MAP3K5: variants seen among roughly 807,000 people sequenced by gnomAD.
MAP3K5 encodes ASK-1.
In MAP3K5, 56 loss-of-function variants were observed where a neutral mutation model predicts 158.7. That is an observed-to-expected ratio of 0.35 (90% CI 0.28 to 0.44). The LOEUF (loss-of-function observed/expected upper bound fraction) is 0.44. MAP3K5 is among the 20% of genes least tolerant of loss of function. The pLI, the probability that MAP3K5 is intolerant of heterozygous loss-of-function variation, is 1.00. For missense variants in MAP3K5, 1,294 were observed against 1,674.8 expected (o/e 0.77, Z 3.97); for synonymous variants, 579 against 601.7 (o/e 0.96, Z 0.55).
intron 21 of MAP3K5, among the ~76,000 whole-genome samples, chr6:136,595,430 T>C (rs1487131579): frequency 1.5e-4 from 23 of 152,148 alleles, no homozygotes; most frequent in Admixed American, 1.5e-3. Context: ...TGAGTGAACC[T>C]GATTCTAGAT....
intron 15 of MAP3K5, among the ~76,000 whole-genome samples, chr6:136,618,793 T>G (rs1053829253): frequency 2.6e-5 from 4 of 152,234 alleles, no homozygotes; most frequent in South Asian, 4.1e-4. Context: ...TCTCATGAAT[T>G]AACTAAGAGG....
intron 1 of MAP3K5, among the ~76,000 whole-genome samples, chr6:136,741,862 G>T (rs541121107): frequency 6.6e-6 from 1 of 152,146 alleles, no homozygotes; most frequent in East Asian, 1.9e-4. Flanking sequence ...TAAACAAGTG[G>T]AATTTGAAAT....
At chr6:136,639,364 GA>G (rs914241757) in intron 13 of MAP3K5, among the ~76,000 whole-genome samples, 178 bp downstream of exon 13, 66 of 149,282 alleles carry the variant, frequency 4.4e-4, no homozygotes, top group African/African-American at 1.7e-3. Context: ...ACTTATTAAA[GA>G]AAACCCCCCC....
intron 1 of MAP3K5, among the ~76,000 whole-genome samples, chr6:136,776,832 G>A (rs1324135879): frequency 6.6e-6 from 1 of 152,184 alleles, no homozygotes; most frequent in Non-Finnish European, 1.5e-5. Context: ...AATGCTGACA[G>A]CCCTTACTTT....
Position 136,720,527 on chromosome 6 carries a change from C to A in MAP3K5, c.511G>T (p.Val171Leu), listed in dbSNP as rs754212712. ...RQPSLFYHLGVRESFSMANNI... is the reference protein window; with the variant it reads ...RQPSLFYHLGLRESFSMANNI... ...TTGGCCATGCTGAAACTTTCTCTCA[C>A]CCCAAGGTGGTAAAACAAGGACGGC... The change falls in exon 2 of 30, where the codon GTG becomes TTG. Residue 171 changes from valine (V) to leucine (L), a missense_variant. By Grantham distance (32) the Val-to-Leu change is conservative (BLOSUM62 1). Around this residue, in one of 5 missense-constraint regions of MAP3K5, gnomAD observed 690 missense variants for 870.5 expected, o/e 0.79. Transcript: ENST00000359015. 3.1e-6 allele frequency: 5 copies of A among 1,613,560 alleles called. No homozygotes were observed. The highest frequency in any genetic ancestry group is 4.2e-6 in the Non-Finnish European group (5 of 1,179,696).
chr6:136,663,289 A>G lies in MAP3K5; in HGVS notation c.1367-3911T>C, dbSNP rs140770737. ...CATCAAAATAAAACTACAATGAATG[A>G]CCATATTTTCAACAATCGTTAACAT... On this transcript the variant is annotated intron_variant, in intron 8 of 29. Coordinates refer to ENST00000359015, the MANE Select transcript of MAP3K5 (RefSeq NM_005923.4). Among the ~76,000 whole-genome samples the G allele has an allele frequency of 1.3e-3, 197 of 152,330 alleles. 3 individuals are homozygous for G. The highest frequency in any genetic ancestry group is 4.5e-3 in the African/African-American group (189 of 41,566).
chr6:136,668,469 T>C (rs1003315778), intron 8 of MAP3K5, among the ~76,000 whole-genome samples: 1 of 152,158 alleles, frequency 6.6e-6, no homozygotes, highest in Non-Finnish European at 1.5e-5. Flanking sequence ...TTTTTCCCTA[T>C]GAAAAACAAG....
chr6:136,659,465 C>T, intron 8 of MAP3K5, 87 bp from the exon 9 acceptor site: 1 of 1,234,404 alleles, frequency 8.1e-7, no homozygotes, highest in East Asian at 2.3e-5. Context: ...ATTAAGCTTT[C>T]ATTCCTCTTT....
chr6:136,601,193 A>G, intron 20 of MAP3K5, 151 bp from the exon 21 acceptor site: 1 of 638,408 alleles, frequency 1.6e-6, no homozygotes, highest in Non-Finnish European at 2.7e-6. Context: ...AACATCAAAA[A>G]ACGCCAAGAA....
intron 7 of MAP3K5, among the ~76,000 whole-genome samples, chr6:136,689,599 GAT>G (rs1361276027): frequency 1.3e-5 from 2 of 152,210 alleles, no homozygotes; most frequent in Non-Finnish European, 2.9e-5. Context: ...CCCATGAAAG[GAT>G]TAATGCTGTT....
At position 136,611,334 on chromosome 6, in the gene MAP3K5, G is replaced by A. The variant is rs763688676; in HGVS notation, c.2469C>T (p.Phe823=). ...TYSGVLKISD[F]GTSKRLAGIN... ...TGCCAGCAAGCCTCTTTGATGTTCC[G>A]AAGTCAGAGATCTTGAGAACACCAC... Residue 823 remains phenylalanine (F), a synonymous_variant, in exon 18 of 30, where the codon TTC becomes TTT. Coordinates refer to ENST00000359015, the MANE Select transcript of MAP3K5 (RefSeq NM_005923.4). 44 of 1,612,826 alleles carry A rather than the reference G, an allele frequency of 2.7e-5. No homozygotes were observed. The highest frequency in any genetic ancestry group is 3.5e-5 in the Non-Finnish European group (41 of 1,179,404).
chr6:136,767,510 T>A (rs1296787012), intron 1 of MAP3K5, among the ~76,000 whole-genome samples: 1 of 151,988 alleles, frequency 6.6e-6, no homozygotes, highest in African/African-American at 2.4e-5. Flanking sequence ...CAATCTACAA[T>A]TCACTGATCA....
chr6:136,574,851 G>A (rs996568266), intron 25 of MAP3K5, among the ~76,000 whole-genome samples: 9 of 151,774 alleles, frequency 5.9e-5, no homozygotes, highest in Admixed American at 2.6e-4. Context: ...TACCTCGCCC[G>A]GCTAATTTTT....
intron 3 of MAP3K5, among the ~76,000 whole-genome samples, chr6:136,703,999 T>C (rs555279814): frequency 1.3e-4 from 20 of 152,332 alleles, no homozygotes; most frequent in African/African-American, 4.8e-4. Flanking sequence ...GCCACAACCA[T>C]TGGCCTAACA....
At chr6:136,650,889 T>A (rs1778489903) in intron 11 of MAP3K5, 95 bp downstream of exon 11, 1 of 669,576 alleles carries the variant, frequency 1.5e-6, no homozygotes. Flanking sequence ...TATTTCTTCT[T>A]AACTAACACA....
intron 7 of MAP3K5, among the ~76,000 whole-genome samples, chr6:136,669,884 G>GGTGTGT (rs60778677): frequency 0.012 from 1,692 of 144,468 alleles, 15 homozygotes; most frequent in Admixed American, 0.046. Context: ...CATCATTCAG[G>GGTGTGT]GTGTGTGTGT....
chr6:136,667,728 G>A (rs994093705), intron 8 of MAP3K5, among the ~76,000 whole-genome samples: 2 of 151,726 alleles, frequency 1.3e-5, no homozygotes, highest in East Asian at 1.9e-4. Flanking sequence ...GTATATGCCT[G>A]TAGTCTCAGC....
intron 14 of MAP3K5, among the ~76,000 whole-genome samples, chr6:136,625,122 C>G (rs1242077045): frequency 6.6e-6 from 1 of 152,030 alleles, no homozygotes; most frequent in African/African-American, 2.4e-5. Flanking sequence ...TTTCATTAAT[C>G]TAGGGCGGGA....
Position 136,720,536 on chromosome 6 carries a change from G to A in MAP3K5, c.502C>T (p.His168Tyr). The change falls in exon 2 of 30, where the codon CAC becomes TAC. Residue 168 changes from histidine to tyrosine, a missense_variant. Physicochemically the swap from His to Tyr is moderately conservative, Grantham distance 83 (BLOSUM62 2). This residue lies in a region of MAP3K5 where 690 missense variants were observed against 870.5 expected (regional missense o/e 0.79). Transcript: ENST00000359015. ...DAFRQPSLFY[H>Y]LGVRESFSMA... is the part of the protein sequence containing the mutation. ...CTGAAACTTTCTCTCACCCCAAGGT[G>A]GTAAAACAAGGACGGCTGCCGGAAG... 6.2e-7 allele frequency: 1 copy of A among 1,613,116 alleles called. No homozygotes were observed. Among genetic ancestry groups the A allele is most frequent in the Non-Finnish European group, 8.5e-7 (1 of 1,179,426 alleles).
Sources: allele counts gnomAD v4.1 joint callset (sites outside exome capture counted in the v4.1 genomes callset), GRCh38; gene constraint gnomAD v4.1.1; regional missense constraint gnomAD v4.1.1; transcripts MANE v1.5; gene names NCBI Gene and HGNC (gene_info 2026-07-23, HGNC 2026-07-21).